Variants in BRF1 observed in about 807,000 individuals in gnomAD.
BRF1 encodes the protein transcription factor IIIB 90 kDa subunit.
A neutral mutation model predicts 81.7 loss-of-function variants in BRF1; 59 were observed. That is an observed-to-expected ratio of 0.72 (90% CI 0.59 to 0.90). The LOEUF is 0.90. Ranked by LOEUF, BRF1 falls within the 40% of genes least tolerant of loss-of-function variation. BRF1 has a pLI of 0.00. For missense variants in BRF1, 1,050 were observed against 936.3 expected, an observed-to-expected ratio of 1.12 and a Z score of -1.58; for synonymous variants, 491 against 395.6, an observed-to-expected ratio of 1.24 and a Z score of -2.86.
At position 105,226,002 on chromosome 14, in the gene BRF1, G is replaced by A. The variant is rs946661024; in HGVS notation, c.1048+67C>T. The A allele has an allele frequency of 2.1e-6, 3 of 1,438,004 alleles. No individual in the cohort carries two copies. In the African/African-American group the frequency reaches 4.3e-5, roughly 21 times the overall value. 89.1% of individuals were successfully genotyped at this position (1,438,004 alleles called of 1,614,324 possible). On this transcript the variant is annotated intron_variant, in intron 10 of 17. Coordinates refer to ENST00000547530, the MANE Select transcript of BRF1 (RefSeq NM_001519.4). ...CCTTTCCAGGTCTTTTTCTGATCCT[G>A]AAGAGATCTGCTGAGACTCTAGCAC...
At position 105,209,599 on chromosome 14, in the gene BRF1, C is replaced by A; in HGVS notation, c.*952G>T. On this transcript the variant is annotated 3_prime_UTR_variant, in exon 18 of 18. Transcript: ENST00000547530. ...TCCTACGAGTGGTACTGGGGCCTTC[C>A]CACGAAGAGGCCTGGGGAGGCTCTC... 1 of 702,354 alleles carries A rather than the reference C, an allele frequency of 1.4e-6. No homozygotes were observed. Among genetic ancestry groups the A allele is most frequent in the Non-Finnish European group, 2.6e-6 (1 of 384,676 alleles). The allele number at this position is 702,354 out of a possible 1,614,324, so 43.5% of individuals were successfully genotyped here.
chr14:105,253,912 G>A (rs977492740), intron 4 of BRF1, among the ~76,000 whole-genome samples: 8 of 152,236 alleles, frequency 5.3e-5, no homozygotes, highest in South Asian at 2.1e-4. Flanking sequence ...GTGTGCATCC[G>A]CATGCAGTGT....
At chr14:105,244,623 C>G (rs1191112522) in intron 5 of BRF1, among the ~76,000 whole-genome samples, 1 of 152,064 alleles carries the variant, frequency 6.6e-6, no homozygotes, top group Non-Finnish European at 1.5e-5. Context: ...AGCCTGGAAT[C>G]TGCAGGCGCA....
rs900347250 is a variant in BRF1 at position 105,271,853 on chromosome 14, G to A, written c.439+868C>T. On this transcript the variant is annotated intron_variant, in intron 3 of 17. Transcript: ENST00000547530. The surrounding 1 kb of genome is among the most constrained non-coding windows in gnomAD (Gnocchi z 5.5). ...AGGGTCGGCAGCCTCCCCGCCCACCGCCTGCAGTCACGGTGTCCACGCACA... is the reference window on the plus strand; with the variant it reads ...AGGGTCGGCAGCCTCCCCGCCCACCACCTGCAGTCACGGTGTCCACGCACA... Among the ~76,000 whole-genome samples the A allele has an allele frequency of 6.7e-6, 1 of 150,224 alleles. No individual in the cohort carries two copies. The highest frequency in any genetic ancestry group is 1.5e-5 in the Non-Finnish European group (1 of 67,552).
chr14:105,258,994 G>A (rs893523905), intron 3 of BRF1, among the ~76,000 whole-genome samples: 10 of 152,118 alleles, frequency 6.6e-5, no homozygotes, highest in African/African-American at 1.7e-4. Context: ...ACTGAATGCC[G>A]GCGAGGATGT....
intron 1 of BRF1, among the ~76,000 whole-genome samples, chr14:105,289,623 T>C (rs1304172715): frequency 6.6e-6 from 1 of 152,184 alleles, no homozygotes; most frequent in Non-Finnish European, 1.5e-5. Flanking sequence ...AGTTCTTTGT[T>C]TTGTGAGCAG....
intron 1 of BRF1, among the ~76,000 whole-genome samples, chr14:105,292,328 C>T (rs1289283944): frequency 3.3e-5 from 5 of 152,072 alleles, no homozygotes; most frequent in South Asian, 2.1e-4. Flanking sequence ...GGATTACAGG[C>T]GCCCACCACC....
chr14:105,223,865 G>A (rs948657756), intron 10 of BRF1, among the ~76,000 whole-genome samples: 1 of 152,180 alleles, frequency 6.6e-6, no homozygotes. Context: ...GAACTTTCAC[G>A]GGAGGAATGT....
chr14:105,298,854 C>CAAA (rs1202505629), intron 1 of BRF1, among the ~76,000 whole-genome samples: 1 of 124,774 alleles, frequency 8.0e-6, no homozygotes, highest in Admixed American at 8.3e-5. Flanking sequence ...GATTCTGTCT[C>CAAA]AAAAAAAAAA....
Position 105,209,486 on chromosome 14 carries a change from C to A in BRF1, c.*1065G>T, listed in dbSNP as rs775564399. On this transcript the variant is annotated 3_prime_UTR_variant, in exon 18 of 18. Coordinates refer to ENST00000547530, the MANE Select transcript of BRF1 (RefSeq NM_001519.4). ...GAGGCCCCTGGGGGTCAGTGAGGCA[C>A]GGCTCTGCCTCAAGGCCACCCCCTC... 2.9e-6 allele frequency: 2 copies of A among 701,022 alleles called. No individual in the cohort carries two copies. Among genetic ancestry groups the A allele is most frequent in the African/African-American group, 3.5e-5 (2 of 57,316 alleles). The allele number at this position is 701,022 out of a possible 1,614,324, so 43.4% of individuals were successfully genotyped here. A position where few individuals can be genotyped will look rare whatever the true frequency, so the allele number is the denominator to read the frequency against.
chr14:105,306,744 T>G (rs2058200590), intron 1 of BRF1, among the ~76,000 whole-genome samples: 1 of 152,164 alleles, frequency 6.6e-6, no homozygotes, highest in African/African-American at 2.4e-5. Flanking sequence ...TAGCTAGGAT[T>G]ACAGGCACCT....
Position 105,228,801 on chromosome 14 carries a change from A to G in BRF1, c.788+19T>C, listed in dbSNP as rs1015717223. On this transcript the variant is annotated intron_variant, in intron 7 of 17. Transcript: ENST00000547530. Reference sequence around the variant, plus strand: ...GAAGCCTCTGTGTGGTCCCCATGCCATGAATGAGAGCCCCTCACCTCTTCC... The same window carrying G: ...GAAGCCTCTGTGTGGTCCCCATGCCGTGAATGAGAGCCCCTCACCTCTTCC... 5 of 1,613,470 alleles carry G rather than the reference A, an allele frequency of 3.1e-6. No homozygotes were observed. Among genetic ancestry groups the G allele is most frequent in the Admixed American group, 1.7e-5 (1 of 60,014 alleles).
At chr14:105,311,874 A>G (rs2058359026) in intron 1 of BRF1, among the ~76,000 whole-genome samples, 2 of 152,136 alleles carry the variant, frequency 1.3e-5, no homozygotes, top group Admixed American at 1.3e-4. Flanking sequence ...TGCTCCAACC[A>G]TGGGAGTGGA....
chr14:105,241,691 G>T (rs961294782), intron 5 of BRF1: 2 of 502,234 alleles, frequency 4.0e-6, no homozygotes, highest in Admixed American at 6.5e-5. Flanking sequence ...GCCCTGCTCA[G>T]GACACAGAGG....
At chr14:105,224,252 C>T (rs752706976) in intron 10 of BRF1, among the ~76,000 whole-genome samples, 1 of 152,144 alleles carries the variant, frequency 6.6e-6, no homozygotes, top group African/African-American at 2.4e-5. Context: ...GCCTGTAGTC[C>T]CAACTACTCA....
chr14:105,211,396 C>A, intron 16 of BRF1, 103 bp from the exon 17 acceptor site: 1 of 1,121,288 alleles, frequency 8.9e-7, no homozygotes. Context: ...TCAGCCACTC[C>A]CGCCACACCA....
chr14:105,291,929 C>T (rs1034520608), intron 1 of BRF1, among the ~76,000 whole-genome samples: 53 of 152,096 alleles, frequency 3.5e-4, no homozygotes, highest in African/African-American at 8.4e-4. Context: ...ACCCGGGAGG[C>T]GGAGGCTGCA....
At chr14:105,314,126 C>T (rs2058439289) in intron 1 of BRF1, among the ~76,000 whole-genome samples, 1 of 152,228 alleles carries the variant, frequency 6.6e-6, no homozygotes, top group Admixed American at 6.5e-5. Context: ...CCGCGACCGC[C>T]GCCAGGCCCG....
Position 105,309,260 on chromosome 14 carries a change from G to T in BRF1, c.-162+6062C>A, listed in dbSNP as rs1172313542. On this transcript the variant is annotated intron_variant, in intron 1 of 17. Coordinates refer to the BRF1 transcript ENST00000327359. This position sits in a 1 kb window ranked among gnomAD's most constrained non-coding sequence, Gnocchi z 4.0. Reference sequence around the variant, plus strand: ...AGGTCCCTCTTAATCTTGGGGCTCAGGATAACCACAGTCAAGAGGGGAGAG... The same window carrying T: ...AGGTCCCTCTTAATCTTGGGGCTCATGATAACCACAGTCAAGAGGGGAGAG... 1.3e-5 allele frequency among the ~76,000 whole-genome samples: 2 copies of T among 152,184 alleles called. No homozygotes were observed. Among genetic ancestry groups the T allele is most frequent in the African/African-American group, 2.4e-5 (1 of 41,440 alleles).
Sources: allele counts gnomAD v4.1 joint callset (sites outside exome capture counted in the v4.1 genomes callset), GRCh38; gene constraint gnomAD v4.1.1; non-coding constraint Gnocchi (gnomAD v3.1); transcripts MANE v1.5; gene names NCBI Gene and HGNC (gene_info 2026-07-23, HGNC 2026-07-21).